Variants in SLC38A4 observed in about 807,000 individuals in gnomAD.
SLC38A4 encodes solute carrier family 38 member 4, also known as sodium-coupled neutral amino acid transporter 4.
In SLC38A4, 20 loss-of-function variants were observed where a neutral mutation model predicts 63.1. That is an observed-to-expected ratio of 0.32 (90% CI 0.22 to 0.46). The LOEUF (loss-of-function observed/expected upper bound fraction) is 0.46, where lower values mean the gene tolerates loss of function less well. SLC38A4 is among the 20% of genes least tolerant of loss of function. The pLI, the probability that SLC38A4 is intolerant of heterozygous loss-of-function variation, is 1.00. For missense variants in SLC38A4, 526 were observed against 663.6 expected, an observed-to-expected ratio of 0.79 and a Z score of 2.28; for synonymous variants, 230 against 225.5, an observed-to-expected ratio of 1.02 and a Z score of -0.18.
intron 4 of SLC38A4, 113 bp from the exon 5 acceptor site, chr12:46,788,144 A>T (rs1381418538): frequency 2.8e-6 from 2 of 712,368 alleles, no homozygotes; most frequent in African/African-American, 3.5e-5. Flanking sequence ...GAAGACTAAG[A>T]TAACATTACA....
chr12:46,831,322 TCC>T (rs1939728591), intron 1 of SLC38A4, among the ~76,000 whole-genome samples: 1 of 152,118 alleles, frequency 6.6e-6, no homozygotes, highest in South Asian at 2.1e-4. Flanking sequence ...GGGTTCCCTC[TCC>T]CCCGTCTCAC....
chr12:46,798,778 C>T (rs1306453296), intron 2 of SLC38A4, among the ~76,000 whole-genome samples: 3 of 152,096 alleles, frequency 2.0e-5, no homozygotes, highest in Non-Finnish European at 4.4e-5. Context: ...TCAGAGCGGT[C>T]CTCTGAGGTG....
intron 1 of SLC38A4, among the ~76,000 whole-genome samples, chr12:46,817,326 TTGA>T (rs1385184253): frequency 6.6e-6 from 1 of 151,738 alleles, no homozygotes; most frequent in African/African-American, 2.4e-5. Flanking sequence ...CAATGCCTTT[TTGA>T]TTTTATGGAT....
intron 14 of SLC38A4, among the ~76,000 whole-genome samples, chr12:46,770,784 G>A (rs1036444281): frequency 2.6e-5 from 4 of 152,044 alleles, no homozygotes; most frequent in African/African-American, 9.7e-5. Context: ...TGAATACTTC[G>A]GTTAAGCTAG....
intron 1 of SLC38A4, among the ~76,000 whole-genome samples, chr12:46,823,804 G>A (rs549414120): frequency 1.8e-4 from 28 of 152,278 alleles, no homozygotes; most frequent in African/African-American, 6.0e-4. Context: ...GAGGGATTTA[G>A]CCTAAGCCTT....
chr12:46,777,059 CT>C, intron 12 of SLC38A4, 55 bp from the exon 13 acceptor site: 2 of 1,410,252 alleles, frequency 1.4e-6, no homozygotes, highest in Admixed American at 3.8e-5. Flanking sequence ...AAAAAAATCA[CT>C]TTTCAAAATG....
intron 3 of SLC38A4, among the ~76,000 whole-genome samples, chr12:46,792,372 G>A (rs563155087): frequency 5.9e-5 from 9 of 152,258 alleles, no homozygotes; most frequent in Admixed American, 2.0e-4. Context: ...ATTTTCACTA[G>A]GATGGGGATT....
chr12:46,820,007 C>A (rs1939509675), intron 1 of SLC38A4, among the ~76,000 whole-genome samples: 1 of 151,874 alleles, frequency 6.6e-6, no homozygotes, highest in Admixed American at 6.6e-5. Flanking sequence ...GTGGGCCTCA[C>A]TGTGTTGTTT....
At position 46,766,344 on chromosome 12, in the gene SLC38A4, G is replaced by A. The variant is rs1938298618; in HGVS notation, c.*357C>T. On this transcript the variant is annotated 3_prime_UTR_variant, in exon 17 of 17. Coordinates refer to ENST00000266579, the MANE Select transcript of SLC38A4 (RefSeq NM_018018.5). ...AATGCAAATGTTTGGTACTTTTTTA[G>A]GGGGTGCAGGATGAGGAGACGGCAG... 4.4e-6 allele frequency: 2 copies of A among 457,728 alleles called. No homozygotes were observed. Among genetic ancestry groups the A allele is most frequent in the Non-Finnish European group, 8.8e-6 (2 of 228,314 alleles). 28.4% of individuals were successfully genotyped at this position (457,728 alleles called of 1,614,324 possible).
chr12:46,801,124 T>C (rs2120859289), intron 2 of SLC38A4, among the ~76,000 whole-genome samples: 1 of 152,246 alleles, frequency 6.6e-6, no homozygotes, highest in Admixed American at 6.5e-5. Context: ...TGACTCTTCA[T>C]GAAAATACAA....
intron 2 of SLC38A4, among the ~76,000 whole-genome samples, chr12:46,799,342 C>T (rs892010049): frequency 6.6e-6 from 1 of 152,066 alleles, no homozygotes; most frequent in Non-Finnish European, 1.5e-5. Flanking sequence ...TGGCTCACAC[C>T]TGTAATCCCA....
rs1352380554 is a variant in SLC38A4 at position 46,799,471 on chromosome 12, G to A, written c.-113+4132C>T. Among the ~76,000 whole-genome samples, 13 of 152,038 alleles carry A rather than the reference G, an allele frequency of 8.6e-5. 1 individual carries two copies. In the South Asian group the frequency reaches 1.2e-3, roughly 15 times the overall value. Reference sequence around the variant, plus strand: ...ACAAAAATTAGCTGGGCATGGTGGCGCATGCCTGTAGTCCCAGTTAATCTC... The same window carrying A: ...ACAAAAATTAGCTGGGCATGGTGGCACATGCCTGTAGTCCCAGTTAATCTC... On this transcript the variant is annotated intron_variant, in intron 2 of 16. Transcript: ENST00000266579.
Position 46,766,113 on chromosome 12 carries a change from T to C in SLC38A4, c.*588A>G, listed in dbSNP as rs1298143417. On this transcript the variant is annotated 3_prime_UTR_variant, in exon 17 of 17. Transcript: ENST00000266579. ...TCACAACTCAATGTCACAAACAGGG[T>C]GGGCAAAATATTATTTTGCTGTTGA... 1 of 202,270 alleles carries C rather than the reference T, an allele frequency of 4.9e-6. No individual in the cohort carries two copies. Among genetic ancestry groups the C allele is most frequent in the Non-Finnish European group, 1.0e-5 (1 of 97,954 alleles). The allele number at this position is 202,270 out of a possible 1,614,324, so 12.5% of individuals were successfully genotyped here. A position where few individuals can be genotyped will look rare whatever the true frequency, so the allele number is the denominator to read the frequency against.
At chr12:46,767,044 CA>C (rs1938315283) in intron 16 of SLC38A4, among the ~76,000 whole-genome samples, 2 of 151,884 alleles carry the variant, frequency 1.3e-5, no homozygotes, top group African/African-American at 2.4e-5. Flanking sequence ...TGATTTAGTA[CA>C]CCAAGATGAT....
intron 7 of SLC38A4, among the ~76,000 whole-genome samples, chr12:46,781,033 T>C (rs891743396): frequency 6.6e-6 from 1 of 152,048 alleles, no homozygotes; most frequent in African/African-American, 2.4e-5. Context: ...AAAAATATTT[T>C]CTTCACTTCA....
intron 1 of SLC38A4, among the ~76,000 whole-genome samples, chr12:46,818,618 C>T (rs756894708): frequency 2.6e-4 from 39 of 151,818 alleles, no homozygotes; most frequent in Non-Finnish European, 5.0e-4. Flanking sequence ...TGGCATTATC[C>T]AATATCAACT....
upstream of SLC38A4, among the ~76,000 whole-genome samples, chr12:46,830,933 C>T (rs535626542): frequency 1.3e-5 from 2 of 152,330 alleles, no homozygotes; most frequent in Non-Finnish European, 2.9e-5. Context: ...CACAAGTGCC[C>T]GCATCACTGC....
intron 1 of SLC38A4, among the ~76,000 whole-genome samples, chr12:46,819,489 T>G (rs1334056031): frequency 2.6e-5 from 4 of 151,856 alleles, no homozygotes; most frequent in Non-Finnish European, 5.9e-5. Context: ...AATAAGAAAA[T>G]AAATGTTGGT....
chr12:46,821,713 C>T (rs1430518432), intron 1 of SLC38A4, among the ~76,000 whole-genome samples: 1 of 151,868 alleles, frequency 6.6e-6, no homozygotes. Context: ...GATTATTTTT[C>T]CTATTTCTGT....
Sources: allele counts gnomAD v4.1 joint callset (sites outside exome capture counted in the v4.1 genomes callset), GRCh38; gene constraint gnomAD v4.1.1; transcripts MANE v1.5; gene names NCBI Gene and HGNC (gene_info 2026-07-23, HGNC 2026-07-21).